The following RSRC1 variants were observed in gnomAD, a reference collection of about 807,000 sequenced individuals.
RSRC1 encodes serine/Arginine-related protein 53.
RSRC1 carries 39 observed loss-of-function variants against 49.1 expected under a neutral mutation model. The ratio of observed to expected loss-of-function variants is 0.79; its 90% CI spans 0.61 to 1.04. The LOEUF is 1.04. Ranked by LOEUF, RSRC1 falls within the 50% of genes least tolerant of loss-of-function variation. RSRC1 has a pLI of 0.00. For missense variants in RSRC1, 388 were observed against 402.4 expected, an observed-to-expected ratio of 0.96 and a Z score of 0.31; for synonymous variants, 143 against 130.8, an observed-to-expected ratio of 1.09 and a Z score of -0.63.
Position 158,123,940 on chromosome 3 carries a change from G to C in RSRC1, c.269G>C (p.Arg90Pro), listed in dbSNP as rs138785241. The C allele has an allele frequency of 6.2e-7, 1 of 1,612,896 alleles. No homozygotes were observed. Residue 90 changes from arginine (R) to proline (P), a missense_variant, in exon 3 of 10, where the codon CGA (arginine) becomes CCA (proline). Arg to Pro is a moderately radical substitution (Grantham distance 103). Transcript: ENST00000611884. ...RKRSRSRSRG[R>P]GKSYRVQRSR... is the part of the protein sequence containing the mutation. ...CGAAGTCGAAGTCGTTCAAGGGGTC[G>C]AGGGAAATCCTATAGAGTTCAGAGG...
At chr3:158,315,672 GTT>G (rs1364353250) in intron 5 of RSRC1, among the ~76,000 whole-genome samples, 1 of 151,898 alleles carries the variant, frequency 6.6e-6, no homozygotes, top group Non-Finnish European at 1.5e-5. Context: ...TGAAGGAGTT[GTT>G]TTATTTATAT....
rs563511970 is a variant in RSRC1 at position 158,206,530 on chromosome 3, G to T, written c.494+3285G>T. ...TATGCAGTTAATTCTGGAGGCAGTG[G>T]GATGCCAATGTAGAGTTTCAAGTAG... On this transcript the variant is annotated intron_variant, in intron 4 of 9. Transcript: ENST00000611884. Among the ~76,000 whole-genome samples, 764 of 152,158 alleles carry T rather than the reference G, an allele frequency of 5.0e-3. 5 individuals are homozygous for T. The highest frequency in any genetic ancestry group is 0.018 in the African/African-American group (729 of 41,516).
chr3:158,494,891 A>G (rs1342615143), intron 7 of RSRC1, among the ~76,000 whole-genome samples: 2 of 152,212 alleles, frequency 1.3e-5, no homozygotes, highest in African/African-American at 4.8e-5. Flanking sequence ...TTCTTCTAGA[A>G]TACCTCCAAA....
At chr3:158,458,071 T>C (rs992334774) in intron 6 of RSRC1, among the ~76,000 whole-genome samples, 2 of 151,992 alleles carry the variant, frequency 1.3e-5, no homozygotes, top group Non-Finnish European at 2.9e-5. Flanking sequence ...AACGTAAAAG[T>C]TTGGAGTCAC....
rs192660845 is a variant in RSRC1 at position 158,278,711 on chromosome 3, A to G, written c.495-19328A>G. ...AAGCAAGTTTATTTTCTCTGGACACATTTCTTTGACTGCATTCAAACACTA... is the reference window on the plus strand; with the variant it reads ...AAGCAAGTTTATTTTCTCTGGACACGTTTCTTTGACTGCATTCAAACACTA... On this transcript the variant is annotated intron_variant, in intron 4 of 9. Transcript: ENST00000611884. Among the ~76,000 whole-genome samples, 1,205 of 152,322 alleles carry G rather than the reference A, an allele frequency of 7.9e-3. 6 individuals are homozygous for G. The highest frequency in any genetic ancestry group is 0.013 in the Non-Finnish European group (909 of 68,030).
chr3:158,193,534 G>T (rs1416935168), intron 3 of RSRC1, among the ~76,000 whole-genome samples: 1 of 152,026 alleles, frequency 6.6e-6, no homozygotes, highest in Non-Finnish European at 1.5e-5. Flanking sequence ...CCTAAATAAT[G>T]TGGAACCAAA....
intron 5 of RSRC1, among the ~76,000 whole-genome samples, chr3:158,333,142 G>A (rs971970911): frequency 1.3e-5 from 2 of 151,988 alleles, no homozygotes; most frequent in Admixed American, 6.6e-5. Flanking sequence ...CTAATTTTTT[G>A]TATTTTTAGT....
rs1313526675 is a variant in RSRC1 at position 158,545,565 on chromosome 3, A to G, written c.*1290A>G. On this transcript the variant is annotated 3_prime_UTR_variant, in exon 10 of 10. Transcript: ENST00000611884. ...ATCTTCTTTATATTTCTGGGACATT[A>G]AAATTCAAATCTCTGTTGAAAATGA... is the stretch of plus-strand genomic sequence containing the variant. 6.6e-6 allele frequency: 1 copy of G among 152,216 alleles called. No individual in the cohort carries two copies. The highest frequency in any genetic ancestry group is 2.4e-5 in the African/African-American group (1 of 41,452). 9.4% of individuals were successfully genotyped at this position (152,216 alleles called of 1,614,324 possible). A position where few individuals can be genotyped will look rare whatever the true frequency, so the allele number is the denominator to read the frequency against.
chr3:158,330,238 G>A (rs1202695685), intron 5 of RSRC1, among the ~76,000 whole-genome samples: 4 of 152,182 alleles, frequency 2.6e-5, no homozygotes, highest in African/African-American at 9.7e-5. Context: ...TGCACCCACT[G>A]TCCTGCCCCC....
chr3:158,507,358 A>G (rs1446557604), intron 7 of RSRC1, among the ~76,000 whole-genome samples: 1 of 152,122 alleles, frequency 6.6e-6, no homozygotes, highest in African/African-American at 2.4e-5. Flanking sequence ...TTTATTATAT[A>G]TTTCAGAATA....
rs145199763 is a variant in RSRC1 at position 158,348,232 on chromosome 3, T to C, written c.532-6625T>C. On this transcript the variant is annotated intron_variant, in intron 5 of 9. Coordinates refer to ENST00000611884, the MANE Select transcript of RSRC1 (RefSeq NM_001271838.2). Reference sequence around the variant, plus strand: ...ACTTCATCAACTTTCAGAATTTCCATAGTGGTGGCCAGGGGTTTAGGGAGT... The same window carrying C: ...ACTTCATCAACTTTCAGAATTTCCACAGTGGTGGCCAGGGGTTTAGGGAGT... 2.2e-4 allele frequency among the ~76,000 whole-genome samples: 33 copies of C among 152,252 alleles called. No homozygotes were observed. The East Asian group carries it at 5.8e-3, about 27-fold the overall frequency.
chr3:158,236,270 G>A (rs975272518), intron 4 of RSRC1, among the ~76,000 whole-genome samples: 1 of 152,070 alleles, frequency 6.6e-6, no homozygotes, highest in African/African-American at 2.4e-5. Flanking sequence ...TGTTATTTTT[G>A]ATTATATAAT....
chr3:158,173,122 T>C (rs1042283854), intron 3 of RSRC1, among the ~76,000 whole-genome samples: 5 of 152,064 alleles, frequency 3.3e-5, no homozygotes, highest in African/African-American at 7.2e-5. Flanking sequence ...ATATCAAATA[T>C]AAATCATAGG....
At chr3:158,129,622 T>C (rs1715882337) in intron 3 of RSRC1, among the ~76,000 whole-genome samples, 1 of 152,182 alleles carries the variant, frequency 6.6e-6, no homozygotes, top group Non-Finnish European at 1.5e-5. Context: ...TGAGTAGTCT[T>C]GGTACCTCTG....
intron 8 of RSRC1, among the ~76,000 whole-genome samples, chr3:158,541,672 G>A (rs1457088157): frequency 2.6e-5 from 4 of 152,070 alleles, no homozygotes; most frequent in Non-Finnish European, 4.4e-5. Context: ...AAAATAAATG[G>A]AAATTGAAAA....
At chr3:158,294,112 T>C (rs1727097074) in intron 4 of RSRC1, among the ~76,000 whole-genome samples, 1 of 152,114 alleles carries the variant, frequency 6.6e-6, no homozygotes. Context: ...ATTTCTTCTC[T>C]TCCATTTTTT....
At chr3:158,495,491 G>T (rs562398299) in intron 7 of RSRC1, among the ~76,000 whole-genome samples, 7 of 152,164 alleles carry the variant, frequency 4.6e-5, no homozygotes, top group African/African-American at 1.7e-4. Flanking sequence ...TCACCATGTT[G>T]TCCAGGCTGG....
At chr3:158,378,123 A>T (rs1732476416) in intron 6 of RSRC1, among the ~76,000 whole-genome samples, 1 of 152,150 alleles carries the variant, frequency 6.6e-6, no homozygotes, top group African/African-American at 2.4e-5. Context: ...AGTGAAGTTT[A>T]AAATTTCTAA....
intron 5 of RSRC1, among the ~76,000 whole-genome samples, chr3:158,319,258 T>C (rs1323235183): frequency 6.6e-6 from 1 of 152,112 alleles, no homozygotes; most frequent in Non-Finnish European, 1.5e-5. Flanking sequence ...GAGTGAGTTA[T>C]CATGAAATCG....
Sources: gnomAD v4.1 joint callset for allele counts (sites outside exome capture counted in the v4.1 genomes callset) on GRCh38, gnomAD v4.1.1 for gene constraint, MANE v1.5 for transcripts, NCBI Gene and HGNC (gene_info 2026-07-23, HGNC 2026-07-21) for gene names.